Variants in CASZ1 observed in about 807,000 individuals in gnomAD.
CASZ1 encodes the protein castor zinc finger 1, also known as zinc finger protein castor homolog 1.
Under a neutral mutation model 135.2 loss-of-function variants are expected in CASZ1, and 28 were observed. The ratio of observed to expected loss-of-function variants is 0.21; its 90% CI spans 0.15 to 0.28. The LOEUF (loss-of-function observed/expected upper bound fraction) is 0.28. Ranked by LOEUF, CASZ1 falls within the 10% of genes least tolerant of loss-of-function variation. The probability of loss-of-function intolerance (pLI) is 1.00; values close to 1 mark genes in which losing one functional copy is unlikely to be tolerated. For missense variants in CASZ1, 2,161 were observed against 2,453.3 expected (o/e 0.88, Z 2.52); for synonymous variants, 1,068 against 1,073.4 (o/e 0.99, Z 0.10).
At chr1:10,758,165 C>T (rs912984606) in intron 2 of CASZ1, among the ~76,000 whole-genome samples, 9 of 152,174 alleles carry the variant, frequency 5.9e-5, no homozygotes, top group African/African-American at 1.9e-4. Flanking sequence ...CACTTCCCAC[C>T]ACCACCTCCT....
intron 2 of CASZ1, among the ~76,000 whole-genome samples, chr1:10,752,125 T>C (rs1468265421): frequency 1.3e-5 from 2 of 152,060 alleles, no homozygotes; most frequent in Non-Finnish European, 2.9e-5. Flanking sequence ...GGGGTGGGCA[T>C]GGAGAGGGCA....
chr1:10,678,575 G>A (rs1243155526), intron 4 of CASZ1, among the ~76,000 whole-genome samples: 4 of 152,164 alleles, frequency 2.6e-5, no homozygotes, highest in Non-Finnish European at 2.9e-5. Flanking sequence ...ACGCACACTC[G>A]CTCCCTGGGC....
Position 10,655,195 on chromosome 1 carries a change from A to T in CASZ1, c.1665+454T>A, listed in dbSNP as rs114662873. Among the ~76,000 whole-genome samples the T allele has an allele frequency of 7.4e-3, 1,129 of 152,238 alleles. 13 individuals carry two copies. Among genetic ancestry groups the T allele is most frequent in the African/African-American group, 0.025 (1,027 of 41,532 alleles). On this transcript the variant is annotated intron_variant, in intron 9 of 20. Coordinates refer to ENST00000377022, the MANE Select transcript of CASZ1 (RefSeq NM_001079843.3). ...CCAGGTTGTTCACAGAGGCCATAAC[A>T]ACTCCTGACAAATACCGGGGGAGGC... is the stretch of plus-strand genomic sequence containing the variant.
At chr1:10,781,104 C>T (rs1570587530) in intron 1 of CASZ1, among the ~76,000 whole-genome samples, 1 of 152,236 alleles carries the variant, frequency 6.6e-6, no homozygotes, top group East Asian at 1.9e-4. Flanking sequence ...CCCAACAAAC[C>T]CCCAGGACAC....
intron 3 of CASZ1, among the ~76,000 whole-genome samples, chr1:10,702,619 C>T (rs764671614): frequency 7.9e-5 from 12 of 151,950 alleles, no homozygotes; most frequent in East Asian, 3.9e-4. Context: ...GAGGGAGACG[C>T]GGGGCTGGAG....
At chr1:10,698,248 A>C (rs1286599206) in intron 3 of CASZ1, among the ~76,000 whole-genome samples, 1 of 152,236 alleles carries the variant, frequency 6.6e-6, no homozygotes, top group Non-Finnish European at 1.5e-5. Flanking sequence ...TTCTTTGTGA[A>C]TATTTGTAAA....
chr1:10,744,097 C>A (rs557003204), intron 2 of CASZ1, among the ~76,000 whole-genome samples: 1 of 152,162 alleles, frequency 6.6e-6, no homozygotes, highest in African/African-American at 2.4e-5. Flanking sequence ...TCAGCCCTTA[C>A]GCCTAGGGTA....
chr1:10,668,536 G>T (rs1643307494), intron 4 of CASZ1, among the ~76,000 whole-genome samples: 1 of 152,264 alleles, frequency 6.6e-6, no homozygotes, highest in Non-Finnish European at 1.5e-5. Flanking sequence ...GAGGCGAGGG[G>T]AGGGGCTGCC....
chr1:10,650,972 G>A lies in CASZ1; in HGVS notation c.2785C>T (p.Arg929Cys), dbSNP rs1388895000. ...TCCTTCACAGTCAGGTCTAGACTGC[G>A]GTCCTGGGAGGCTTCGTGGGGGCCT... ...APGPHEASQD[R>C]SLDLTVKEPS... Residue 929 changes from arginine to cysteine, a missense_variant, in exon 12 of 21, where the codon CGC becomes TGC. By Grantham distance (180) the Arg-to-Cys change is radical (BLOSUM62 -3). Transcript: ENST00000377022. 2.5e-6 allele frequency: 4 copies of A among 1,583,688 alleles called. No homozygotes were observed. Among genetic ancestry groups the A allele is most frequent in the East Asian group, 2.2e-5 (1 of 44,530 alleles).
rs1403387594 is a variant in CASZ1, at chr1:10,705,494, C to T, written c.-26G>A. On this transcript the variant is annotated splice_region_variant and 5_prime_UTR_variant, in exon 3 of 21. Coordinates refer to ENST00000377022, the MANE Select transcript of CASZ1 (RefSeq NM_001079843.3). ...TCAGGGAGGGGCTCAGGCCTTACCT[C>T]GTAGCAGGTCCTAGAACCTCCTCGG... is the stretch of plus-strand genomic sequence containing the variant. The T allele has an allele frequency of 2.6e-5, 4 of 152,326 alleles. No individual in the cohort carries two copies. Among genetic ancestry groups the T allele is most frequent in the African/African-American group, 9.7e-5 (4 of 41,448 alleles). The allele number at this position is 152,326 out of a possible 1,614,324, so 9.4% of individuals were successfully genotyped here.
intron 2 of CASZ1, among the ~76,000 whole-genome samples, chr1:10,715,437 G>A (rs901821769): frequency 5.9e-5 from 9 of 151,978 alleles, no homozygotes; most frequent in South Asian, 2.1e-4. Flanking sequence ...GGGAGCAGCC[G>A]GGCAGAGAGA....
chr1:10,714,177 G>A (rs1317614995), intron 2 of CASZ1, among the ~76,000 whole-genome samples: 2 of 152,196 alleles, frequency 1.3e-5, no homozygotes, highest in African/African-American at 4.8e-5. Flanking sequence ...GTGGTGGCAC[G>A]CACCTGTAGT....
At chr1:10,752,267 C>G (rs915641754) in intron 2 of CASZ1, among the ~76,000 whole-genome samples, 43 of 152,332 alleles carry the variant, frequency 2.8e-4, no homozygotes, top group African/African-American at 9.6e-4. Context: ...TCCCTGCCCA[C>G]CTCTCCCTGG....
Position 10,668,359 on chromosome 1 carries a change from G to A in CASZ1, c.17-2788C>T, listed in dbSNP as rs145250728. ...AGGCCTCAATGGAAGGAAGCCATCC[G>A]TCCCCGGCCCTGTCACTGCCCCTTT... On this transcript the variant is annotated intron_variant, in intron 4 of 20. Transcript: ENST00000377022. Among the ~76,000 whole-genome samples the A allele has an allele frequency of 7.3e-3, 1,115 of 152,254 alleles. 10 individuals carry two copies. Among genetic ancestry groups the A allele is most frequent in the Non-Finnish European group, 0.013 (863 of 68,004 alleles).
chr1:10,695,199 A>C (rs1638902602), intron 3 of CASZ1, among the ~76,000 whole-genome samples: 1 of 150,666 alleles, frequency 6.6e-6, no homozygotes, highest in African/African-American at 2.4e-5. Flanking sequence ...GGGCGCAGTC[A>C]GGCCCGCGCG....
chr1:10,749,248 C>G (rs1640104199), intron 2 of CASZ1, among the ~76,000 whole-genome samples: 1 of 151,946 alleles, frequency 6.6e-6, no homozygotes, highest in Admixed American at 6.6e-5. Context: ...CCATCTTTCC[C>G]CCCTATTTTT....
intron 2 of CASZ1, among the ~76,000 whole-genome samples, chr1:10,734,419 C>T (rs1374508122): frequency 1.3e-5 from 2 of 151,774 alleles, no homozygotes; most frequent in East Asian, 3.9e-4. Flanking sequence ...ATAAACATCT[C>T]CCAGTCCCCA....
rs2296559 is a variant in CASZ1, at chr1:10,665,273, C to T, written c.315G>A (p.Val105=). Residue 105 remains valine, a synonymous_variant, in exon 5 of 21, where the codon GTG becomes GTA. Coordinates refer to ENST00000377022, the MANE Select transcript of CASZ1 (RefSeq NM_001079843.3). ...EYSEEPAPTP[V]LGRIAREGLE... ...GGCCCTCGCGGGCAATCCGCCCCAA[C>T]ACGGGTGTGGGTGCCGGCTCCTCGC... is the stretch of plus-strand genomic sequence containing the variant. 6.9e-5 allele frequency: 111 copies of T among 1,611,492 alleles called. No homozygotes were observed. In the East Asian group the frequency reaches 2.4e-3, roughly 35 times the overall value.
Position 10,645,016 on chromosome 1 carries a change from T to C in CASZ1, c.3769A>G (p.Thr1257Ala), listed in dbSNP as rs1446691654. 1.2e-6 allele frequency: 2 copies of C among 1,613,956 alleles called. No individual in the cohort carries two copies. Among genetic ancestry groups the C allele is most frequent in the Non-Finnish European group, 1.7e-6 (2 of 1,180,016 alleles). ...TGCYFVTNIT[T>A]KLPWHIKKHE... ...TTCTTGATGTGCCAGGGGAGCTTGG[T>C]GGTGATGTTGGTCACAAAATAGCAG... Residue 1257 changes from threonine to alanine, a missense_variant, in exon 18 of 21, where the codon ACC becomes GCC. Transcript: ENST00000377022.
Sources: gnomAD v4.1 joint callset for allele counts (sites outside exome capture counted in the v4.1 genomes callset) on GRCh38, gnomAD v4.1.1 for gene constraint, MANE v1.5 for transcripts, NCBI Gene and HGNC (gene_info 2026-07-23, HGNC 2026-07-21) for gene names.